OPCML: variants seen among roughly 807,000 people sequenced by gnomAD.
The protein encoded by OPCML is opioid-binding protein/cell adhesion molecule.
In OPCML, 13 loss-of-function variants were observed where a neutral mutation model predicts 37.8. The ratio of observed to expected loss-of-function variants is 0.34; its 90% CI spans 0.22 to 0.55. The LOEUF is 0.55. Among genes scored for constraint, OPCML ranks in the 20% least tolerant of loss-of-function variants. The pLI is 0.91. For missense variants in OPCML, 341 were observed against 435.6 expected (o/e 0.78, Z 1.93); for synonymous variants, 176 against 168.8 (o/e 1.04, Z -0.33).
intron 1 of OPCML, among the ~76,000 whole-genome samples, chr11:132,996,484 T>C (rs1323992028): frequency 1.3e-5 from 2 of 150,222 alleles, no homozygotes; most frequent in South Asian, 2.1e-4. Context: ...AAAAATTAGC[T>C]GGGCGTAGTC....
At chr11:133,315,641 A>C (rs1309039468) in intron 1 of OPCML, among the ~76,000 whole-genome samples, 1 of 152,190 alleles carries the variant, frequency 6.6e-6, no homozygotes, top group Non-Finnish European at 1.5e-5. Context: ...TCTACTAAAA[A>C]TACAAAATTA....
chr11:132,428,096 T>A (rs7121278), intron 7 of OPCML, among the ~76,000 whole-genome samples: 4,290 of 152,280 alleles, frequency 0.028, 192 homozygotes, highest in East Asian at 0.17. Flanking sequence ...GTGATGAACG[T>A]CTTCCTAAAC....
chr11:133,295,061 C>T (rs1391993859), intron 1 of OPCML, among the ~76,000 whole-genome samples: 1 of 151,722 alleles, frequency 6.6e-6, no homozygotes, highest in Non-Finnish European at 1.5e-5. Flanking sequence ...TGACCTCAGG[C>T]GATCCACCTG....
chr11:132,869,100 A>G (rs1194746132), intron 2 of OPCML, among the ~76,000 whole-genome samples: 2 of 152,148 alleles, frequency 1.3e-5, no homozygotes, highest in African/African-American at 4.8e-5. Context: ...TGGGGGAGAA[A>G]GAGCCAGGGC....
At chr11:132,661,601 G>A (rs966159020) in intron 2 of OPCML, among the ~76,000 whole-genome samples, 3 of 152,174 alleles carry the variant, frequency 2.0e-5, no homozygotes, top group Non-Finnish European at 1.5e-5. Flanking sequence ...AGTTAAATAA[G>A]GGGGAGCCAA....
rs150655288 is a variant in OPCML, at chr11:132,520,702, G to GTGTGTGTGTGTGTGTA, written c.505+8358_505+8359insTACACACACACACACA. The stretch of plus-strand genomic sequence containing the variant: ...TGTGTGTGTGTGTGTGTGTGTGTGT[G>GTGTGTGTGTGTGTGTA]TATGCATATAGTATTATATATAAAG... On this transcript the variant is annotated intron_variant, in intron 4 of 7. Coordinates refer to ENST00000524381, the MANE Select transcript of OPCML (RefSeq NM_001012393.5). Among the ~76,000 whole-genome samples, 1,242 of 149,684 alleles carry GTGTGTGTGTGTGTGTA rather than the reference G, an allele frequency of 8.3e-3. 14 individuals are homozygous for GTGTGTGTGTGTGTGTA. Among genetic ancestry groups the GTGTGTGTGTGTGTGTA allele is most frequent in the Middle Eastern group, 0.024 (7 of 292 alleles).
chr11:132,469,625 G>GGT (rs1212599742), intron 4 of OPCML, among the ~76,000 whole-genome samples: 4 of 139,648 alleles, frequency 2.9e-5, no homozygotes, highest in Non-Finnish European at 4.7e-5. Flanking sequence ...ATGTGTGTGG[G>GGT]GTGTGTGTGT....
At chr11:132,579,055 C>T (rs930754276) in intron 3 of OPCML, among the ~76,000 whole-genome samples, 1 of 152,076 alleles carries the variant, frequency 6.6e-6, no homozygotes, top group Non-Finnish European at 1.5e-5. Context: ...TGAAAATGCA[C>T]CCTGACTTTA....
chr11:133,251,212 C>A (rs1421841043), intron 1 of OPCML, among the ~76,000 whole-genome samples: 1 of 152,110 alleles, frequency 6.6e-6, no homozygotes, highest in Non-Finnish European at 1.5e-5. Flanking sequence ...CAGTGGGCTA[C>A]AACAGAAGCC....
intron 4 of OPCML, among the ~76,000 whole-genome samples, chr11:132,524,311 G>A (rs184426455): frequency 1.3e-5 from 2 of 152,190 alleles, no homozygotes; most frequent in Admixed American, 1.3e-4. Flanking sequence ...GCTTGTTTTG[G>A]GACCTGACTT....
chr11:132,587,753 A>G (rs1264943203), intron 3 of OPCML, among the ~76,000 whole-genome samples: 1 of 152,156 alleles, frequency 6.6e-6, no homozygotes, highest in Non-Finnish European at 1.5e-5. Context: ...CCCTAATGGA[A>G]TTGTGAGTGG....
intron 1 of OPCML, among the ~76,000 whole-genome samples, chr11:133,513,745 A>G (rs1948206192): frequency 6.6e-6 from 1 of 152,226 alleles, no homozygotes; most frequent in Non-Finnish European, 1.5e-5. Context: ...TACCTGTTGC[A>G]TAATGACCTT....
Position 132,450,628 on chromosome 11 carries a change from C to T in OPCML, c.506-13269G>A, listed in dbSNP as rs116494798. ...AATATCGTATCCTGAGAGTAAGTCA[C>T]GAAATTAATGTAAAAAACAGTGTGA... On this transcript the variant is annotated intron_variant, in intron 4 of 7. Coordinates refer to ENST00000524381, the MANE Select transcript of OPCML (RefSeq NM_001012393.5). Among the ~76,000 whole-genome samples, 889 of 151,556 alleles carry T rather than the reference C, an allele frequency of 5.9e-3. 11 individuals are homozygous for T. Among genetic ancestry groups the T allele is most frequent in the African/African-American group, 0.02 (840 of 41,248 alleles).
intron 2 of OPCML, among the ~76,000 whole-genome samples, chr11:132,762,533 C>T (rs1946299785): frequency 6.6e-6 from 1 of 152,336 alleles, no homozygotes; most frequent in Middle Eastern, 3.4e-3. Context: ...TCTAGAGAGG[C>T]AGTCTGGCTA....
intron 2 of OPCML, among the ~76,000 whole-genome samples, chr11:132,687,415 T>C (rs1394866126): frequency 1.8e-4 from 16 of 87,994 alleles, no homozygotes; most frequent in African/African-American, 7.7e-4. Context: ...TATATATATA[T>C]ATATATATAT....
intron 2 of OPCML, among the ~76,000 whole-genome samples, chr11:132,671,183 C>T (rs931500879): frequency 4.6e-5 from 7 of 152,100 alleles, no homozygotes; most frequent in South Asian, 2.1e-4. Flanking sequence ...AAGTCTTCAC[C>T]GTTCCTACAG....
intron 4 of OPCML, among the ~76,000 whole-genome samples, chr11:132,485,523 C>T (rs11604019): frequency 6.6e-6 from 1 of 152,218 alleles, no homozygotes; most frequent in Admixed American, 6.5e-5. Flanking sequence ...TCCTTCAGGA[C>T]TGGTCCAGTC....
chr11:132,979,606 C>A (rs908278713), intron 1 of OPCML, among the ~76,000 whole-genome samples: 2 of 152,214 alleles, frequency 1.3e-5, no homozygotes, highest in Non-Finnish European at 2.9e-5. Flanking sequence ...GAGCATGTTG[C>A]CATCTAGCAT....
intron 4 of OPCML, among the ~76,000 whole-genome samples, chr11:132,460,383 T>C (rs1416230706): frequency 6.6e-6 from 1 of 152,152 alleles, no homozygotes. Flanking sequence ...TAGTATTACC[T>C]TGAAAACAGC....
Sources: gnomAD v4.1 joint callset for allele counts (sites outside exome capture counted in the v4.1 genomes callset) on GRCh38, gnomAD v4.1.1 for gene constraint, MANE v1.5 for transcripts, NCBI Gene and HGNC (gene_info 2026-07-23, HGNC 2026-07-21) for gene names.